SV2C: variants seen among roughly 807,000 people sequenced by gnomAD.
SV2C encodes the protein solute carrier family 22 member B3.
SV2C carries 49 observed loss-of-function variants against 79.7 expected under a neutral mutation model. That is an observed-to-expected ratio of 0.61 (90% confidence interval 0.49 to 0.78). The LOEUF (loss-of-function observed/expected upper bound fraction) is 0.78. Ranked by LOEUF, SV2C falls within the 30% of genes least tolerant of loss-of-function variation. The probability of loss-of-function intolerance (pLI) is 0.00; values close to 1 mark genes in which losing one functional copy is unlikely to be tolerated. For missense variants in SV2C, 833 were observed against 912.9 expected (o/e 0.91, Z 1.13); for synonymous variants, 334 against 333.2 (o/e 1.00, Z -0.03).
the SV2C span, among the ~76,000 whole-genome samples, chr5:75,969,082 G>T: frequency 2.6e-5 from 4 of 152,080 alleles, no homozygotes; most frequent in Admixed American, 2.6e-4. Flanking sequence ...ACTAAACCTC[G>T]TCAGTGAAGG....
intron 4 of SV2C, among the ~76,000 whole-genome samples, chr5:76,261,417 A>G (rs1391480115): frequency 6.6e-6 from 1 of 152,202 alleles, no homozygotes; most frequent in Non-Finnish European, 1.5e-5. Context: ...CTCTATTCCT[A>G]TTCAAACATG....
chr5:75,967,316 C>T, the SV2C span, among the ~76,000 whole-genome samples: 6 of 152,134 alleles, frequency 3.9e-5, no homozygotes, highest in Admixed American at 6.6e-5. Flanking sequence ...GAGTGCTGGA[C>T]AGTGGGTGCA....
intron 4 of SV2C, among the ~76,000 whole-genome samples, chr5:76,247,077 C>T (rs1488421870): frequency 6.6e-6 from 1 of 152,100 alleles, no homozygotes; most frequent in Non-Finnish European, 1.5e-5. Flanking sequence ...AATTGAAGAA[C>T]CAGAGATTAA....
the SV2C span, among the ~76,000 whole-genome samples, chr5:75,968,581 G>A: frequency 2.6e-5 from 4 of 152,160 alleles, no homozygotes; most frequent in Non-Finnish European, 5.9e-5. Flanking sequence ...TATCAGCAAT[G>A]GAAGATGAAA....
intron 2 of SV2C, among the ~76,000 whole-genome samples, chr5:76,166,119 G>A (rs750520191): frequency 6.6e-6 from 1 of 152,194 alleles, no homozygotes; most frequent in Non-Finnish European, 1.5e-5. Flanking sequence ...TTTCTGCTCT[G>A]TAGTATCTTA....
At chr5:75,903,007 C>T in the SV2C span, among the ~76,000 whole-genome samples, 2 of 152,128 alleles carry the variant, frequency 1.3e-5, no homozygotes, top group Non-Finnish European at 1.5e-5. Context: ...TCATAAAATC[C>T]TGTGAGATGG....
chr5:76,045,154 G>A, the SV2C span, among the ~76,000 whole-genome samples: 402 of 152,198 alleles, frequency 2.6e-3, 2 homozygotes, highest in African/African-American at 8.7e-3. Flanking sequence ...TCCCAGCACC[G>A]TTTATTAAAT....
chr5:76,032,453 T>A, the SV2C span, among the ~76,000 whole-genome samples: 1 of 151,946 alleles, frequency 6.6e-6, no homozygotes, highest in African/African-American at 2.4e-5. Flanking sequence ...TGTGTCCATG[T>A]GTTCTCATTG....
At chr5:75,963,873 TG>T in the SV2C span, among the ~76,000 whole-genome samples, 9 of 152,158 alleles carry the variant, frequency 5.9e-5, no homozygotes, top group Non-Finnish European at 4.4e-5. Flanking sequence ...TTTTTCTTTT[TG>T]TTCTACTTCA....
At chr5:75,953,862 A>T in the SV2C span, among the ~76,000 whole-genome samples, 3 of 151,870 alleles carry the variant, frequency 2.0e-5, no homozygotes, top group Non-Finnish European at 4.4e-5. Flanking sequence ...TCTTTTTTGT[A>T]TCACTTCCTA....
At position 76,132,078 on chromosome 5, in the gene SV2C, G is replaced by A; in HGVS notation, c.328G>A (p.Gly110Arg). The change falls in exon 2 of 13, where the codon GGG becomes AGG. Residue 110 changes from glycine to arginine, a missense_variant. Coordinates refer to ENST00000502798, the MANE Select transcript of SV2C (RefSeq NM_014979.4). ...NQAKDSIVSVGQPKGDEYKDR... is the reference protein window; with the variant it reads ...NQAKDSIVSVRQPKGDEYKDR... ...AGCGAAGGACAGCATCGTGTCAGTG[G>A]GGCAGCCCAAGGGCGATGAGTACAA... The A allele has an allele frequency of 1.2e-6, 2 of 1,612,640 alleles. No individual in the cohort carries two copies. The highest frequency in any genetic ancestry group is 1.1e-5 in the South Asian group (1 of 90,900).
At chr5:75,906,173 C>T in the SV2C span, among the ~76,000 whole-genome samples, 1 of 152,054 alleles carries the variant, frequency 6.6e-6, no homozygotes, top group Admixed American at 6.6e-5. Context: ...CCAAAAAAGG[C>T]TTCTCTCAGA....
intron 1 of SV2C, among the ~76,000 whole-genome samples, chr5:76,114,338 C>G (rs1467937909): frequency 6.6e-6 from 1 of 152,078 alleles, no homozygotes; most frequent in African/African-American, 2.4e-5. Flanking sequence ...CTTTTTATAG[C>G]CACCACCCTA....
chr5:76,180,536 T>G (rs1266801351), intron 2 of SV2C, among the ~76,000 whole-genome samples: 1 of 152,276 alleles, frequency 6.6e-6, no homozygotes, highest in Non-Finnish European at 1.5e-5. Context: ...TGCCCTGTGC[T>G]GACGCATTTG....
chr5:76,045,941 C>T, the SV2C span, among the ~76,000 whole-genome samples: 4 of 152,274 alleles, frequency 2.6e-5, no homozygotes, highest in East Asian at 7.7e-4. Flanking sequence ...TTAATTCACT[C>T]TCCAAATACT....
chr5:76,336,739 A>G (rs940469876), downstream of SV2C, among the ~76,000 whole-genome samples: 2 of 152,216 alleles, frequency 1.3e-5, no homozygotes, highest in Non-Finnish European at 2.9e-5. Context: ...AAAAAAACAC[A>G]AAAACCAGTC....
At chr5:76,000,059 T>C in the SV2C span, among the ~76,000 whole-genome samples, 27 of 152,252 alleles carry the variant, frequency 1.8e-4, no homozygotes, top group African/African-American at 6.5e-4. Context: ...AGCAAGGCCC[T>C]AAACAAACTG....
At chr5:75,867,144 G>A in the SV2C span, among the ~76,000 whole-genome samples, 14 of 152,142 alleles carry the variant, frequency 9.2e-5, no homozygotes, top group African/African-American at 3.1e-4. Flanking sequence ...AGTCTCCAAG[G>A]TTCTTAAGTC....
chr5:76,032,336 C>G, the SV2C span, among the ~76,000 whole-genome samples: 1 of 152,048 alleles, frequency 6.6e-6, no homozygotes, highest in East Asian at 1.9e-4. Flanking sequence ...CATGCTGGTG[C>G]GCTGCACCCA....
Sources: allele counts gnomAD v4.1 joint callset (sites outside exome capture counted in the v4.1 genomes callset), GRCh38; gene constraint gnomAD v4.1.1; transcripts MANE v1.5; gene names NCBI Gene and HGNC (gene_info 2026-07-23, HGNC 2026-07-21).